RPH3AL: variants seen among roughly 807,000 people sequenced by gnomAD.
The protein encoded by RPH3AL is rabphilin 3A like (without C2 domains), also known as rab effector Noc2.
In RPH3AL, 38 loss-of-function variants were observed where a neutral mutation model predicts 43.1. The observed-to-expected ratio is 0.88, with a 90% CI of 0.68 to 1.15. The LOEUF is 1.15. RPH3AL is among the 50% of genes most tolerant of loss of function. The probability of loss-of-function intolerance (pLI) is 0.00; values close to 1 mark genes in which losing one functional copy is unlikely to be tolerated. For missense variants in RPH3AL, 462 were observed against 423.2 expected, an observed-to-expected ratio of 1.09 and a Z score of -0.81; for synonymous variants, 189 against 176.3, an observed-to-expected ratio of 1.07 and a Z score of -0.57.
Position 320,282 on chromosome 17 carries a change from C to G in RPH3AL, c.222-733G>C, listed in dbSNP as rs372103676. Among the ~76,000 whole-genome samples the G allele has an allele frequency of 1.1e-4, 16 of 150,298 alleles. 2 individuals carry two copies. The South Asian group carries it at 2.1e-3, about 20-fold the overall frequency. On this transcript the variant is annotated intron_variant, in intron 4 of 9. Coordinates refer to ENST00000331302, the MANE Select transcript of RPH3AL (RefSeq NM_006987.4). ...GTTCCATGGGACCAGCGAAGGCTCT[C>G]GGAGAACACGTGGACTCACAGCTGA...
chr17:297,461 C>G (rs759647336), intron 5 of RPH3AL, among the ~76,000 whole-genome samples: 1 of 152,164 alleles, frequency 6.6e-6, no homozygotes, highest in Non-Finnish European at 1.5e-5. Flanking sequence ...AGTCCTGGGA[C>G]CGAGCCCTCG....
At chr17:259,714 G>C (rs981427967) in intron 6 of RPH3AL, among the ~76,000 whole-genome samples, 1 of 152,218 alleles carries the variant, frequency 6.6e-6, no homozygotes, top group East Asian at 1.9e-4. Flanking sequence ...CCGCCGTGGC[G>C]GTGGCCGGGG....
intron 5 of RPH3AL, among the ~76,000 whole-genome samples, chr17:296,802 A>G (rs2043191556): frequency 6.6e-6 from 1 of 152,244 alleles, no homozygotes; most frequent in Admixed American, 6.5e-5. Flanking sequence ...GTGTATCAAA[A>G]GGGAGCCTGG....
intron 1 of RPH3AL, among the ~76,000 whole-genome samples, chr17:348,252 G>A (rs1338938682): frequency 6.6e-6 from 1 of 152,138 alleles, no homozygotes; most frequent in Non-Finnish European, 1.5e-5. Context: ...GGAAGGATGA[G>A]GACATGGATT....
At chr17:343,754 T>C (rs2045177400) in intron 1 of RPH3AL, among the ~76,000 whole-genome samples, 1 of 152,166 alleles carries the variant, frequency 6.6e-6, no homozygotes, top group South Asian at 2.1e-4. Context: ...AGGCCAGGAA[T>C]GCTGCTAAAC....
rs1567555115 is a variant in RPH3AL, at chr17:213,909, A to G, written c.891T>C (p.Pro297=). The change falls in exon 10 of 10, where the codon CCT becomes CCC. Residue 297 remains proline (P), a synonymous_variant. Coordinates refer to ENST00000331302, the MANE Select transcript of RPH3AL (RefSeq NM_006987.4). ...CTGCGTCAGCAGCGGGGGCTCGTCC[A>G]GGTGTGTCTTTTACCTTTGGATGAG... ...LTRRAPVKDT[P]GRAPAADAAP... is the part of the protein sequence containing the mutation. The G allele has an allele frequency of 1.9e-6, 3 of 1,613,342 alleles. No homozygotes were observed. Among genetic ancestry groups the G allele is most frequent in the Admixed American group, 3.3e-5 (2 of 59,862 alleles).
At position 324,682 on chromosome 17, in the gene RPH3AL, T is replaced by TCTATCTAG. The variant is rs1287617396; in HGVS notation, c.77+2784_77+2785insCTAGATAG. On this transcript the variant is annotated intron_variant, in intron 3 of 9. Transcript: ENST00000331302. ...CACTCCTATTCTTTCTTTCTATCTT[T>TCTATCTAG]CTATCTATCTAGCTAGCTAGCTATG... Among the ~76,000 whole-genome samples the TCTATCTAG allele has an allele frequency of 3.7e-5, 5 of 135,806 alleles. No homozygotes were observed. In the South Asian group the frequency reaches 7.1e-4, roughly 19 times the overall value. The allele number at this position is 135,806 out of a possible 152,430, so 89.1% of individuals were successfully genotyped here. A position where few individuals can be genotyped will look rare whatever the true frequency, so the allele number is the denominator to read the frequency against.
chr17:316,268 C>A (rs2044172043), intron 5 of RPH3AL, among the ~76,000 whole-genome samples: 1 of 134,940 alleles, frequency 7.4e-6, no homozygotes, highest in African/African-American at 2.5e-5. Flanking sequence ...CCCTGTGACT[C>A]CATCTCCAGT....
chr17:239,541 G>C (rs73971671), intron 7 of RPH3AL, among the ~76,000 whole-genome samples: 1 of 152,110 alleles, frequency 6.6e-6, no homozygotes, highest in African/African-American at 2.4e-5. Flanking sequence ...ATACTATATC[G>C]TTCTTACTGA....
intron 5 of RPH3AL, among the ~76,000 whole-genome samples, chr17:312,705 T>C (rs902162026): frequency 6.6e-5 from 10 of 152,230 alleles, no homozygotes; most frequent in African/African-American, 2.4e-4. Context: ...CCTGCACTAT[T>C]GCATCCATCA....
chr17:348,115 G>A (rs1227877570), intron 1 of RPH3AL, among the ~76,000 whole-genome samples: 3 of 149,532 alleles, frequency 2.0e-5, no homozygotes, highest in Non-Finnish European at 4.4e-5. Context: ...AAAAAACAGA[G>A]CTGGCAAAGG....
chr17:245,931 G>A lies in RPH3AL; in HGVS notation c.613+1180C>T, dbSNP rs573523232. 8.1e-4 allele frequency among the ~76,000 whole-genome samples: 124 copies of A among 152,256 alleles called. No homozygotes were observed. The highest frequency in any genetic ancestry group is 2.7e-3 in the African/African-American group (113 of 41,548). Reference sequence around the variant, plus strand: ...GAACTCATAGGCAGCAGAGGTGTACGCAGCATCCGGTAGGACCAGCGAGGA... The same window carrying A: ...GAACTCATAGGCAGCAGAGGTGTACACAGCATCCGGTAGGACCAGCGAGGA... On this transcript the variant is annotated intron_variant, in intron 7 of 9. Coordinates refer to ENST00000331302, the MANE Select transcript of RPH3AL (RefSeq NM_006987.4). This position sits in a 1 kb window ranked among gnomAD's most constrained non-coding sequence, Gnocchi z 5.9.
rs2044533266 is a variant in RPH3AL, at chr17:323,401, A to G, written c.78-1986T>C. 6.6e-6 allele frequency among the ~76,000 whole-genome samples: 1 copy of G among 152,162 alleles called. No homozygotes were observed. The highest frequency in any genetic ancestry group is 2.1e-4 in the South Asian group (1 of 4,832). The stretch of plus-strand genomic sequence containing the variant: ...AGAGTGGGCAGCCTCTGCCTGGACT[A>G]CCTGCCTTGCTCCTATGAACTGCAC... On this transcript the variant is annotated intron_variant, in intron 3 of 9. Transcript: ENST00000331302. The surrounding 1 kb of genome is among the most constrained non-coding windows in gnomAD (Gnocchi z 4.4).
chr17:320,755 G>T (rs1425169315), intron 4 of RPH3AL, among the ~76,000 whole-genome samples: 2 of 152,242 alleles, frequency 1.3e-5, no homozygotes, highest in Non-Finnish European at 2.9e-5. Flanking sequence ...GTGTTTTTCA[G>T]ATTTTCTAGG....
intron 7 of RPH3AL, among the ~76,000 whole-genome samples, chr17:224,853 C>A (rs1356426323): frequency 6.6e-6 from 1 of 151,542 alleles, no homozygotes; most frequent in African/African-American, 2.4e-5. Context: ...TCTCAGCAAA[C>A]TATCGCAAAG....
At chr17:263,964 T>G (rs533595891) in intron 6 of RPH3AL, among the ~76,000 whole-genome samples, 1 of 152,066 alleles carries the variant, frequency 6.6e-6, no homozygotes, top group Non-Finnish European at 1.5e-5. Flanking sequence ...CAGAGCTGGG[T>G]CCAGCAGGAA....
chr17:298,283 CAG>C (rs1294079898), intron 5 of RPH3AL, among the ~76,000 whole-genome samples: 1 of 152,140 alleles, frequency 6.6e-6, no homozygotes, highest in Non-Finnish European at 1.5e-5. Context: ...ACCCCAATCT[CAG>C]GGGTAGAGCA....
chr17:314,794 G>C (rs2043856778), intron 5 of RPH3AL, among the ~76,000 whole-genome samples: 2 of 151,554 alleles, frequency 1.3e-5, no homozygotes, highest in Admixed American at 6.6e-5. Context: ...TTGACCTGTA[G>C]TCCCTGTACT....
intron 6 of RPH3AL, among the ~76,000 whole-genome samples, chr17:258,519 C>A (rs147329206): frequency 0.027 from 4,088 of 152,278 alleles, 62 homozygotes; most frequent in South Asian, 0.099. Context: ...CAGTGAGCCT[C>A]CCTGACTGCC....
Sources: gnomAD v4.1 joint callset for allele counts (sites outside exome capture counted in the v4.1 genomes callset) on GRCh38, gnomAD v4.1.1 for gene constraint, Gnocchi (gnomAD v3.1) non-coding constraint, MANE v1.5 for transcripts, NCBI Gene and HGNC (gene_info 2026-07-23, HGNC 2026-07-21) for gene names.